Variants in QRFPR observed in about 807,000 individuals in gnomAD.
The protein encoded by QRFPR is pyroglutamylated RFamide peptide receptor, also known as pyroglutamylated RF-amide peptide receptor.
In QRFPR, 37 loss-of-function variants were observed where a neutral mutation model predicts 31.3. That is an observed-to-expected ratio of 1.18 (90% CI 0.91 to 1.56). The LOEUF is 1.56. QRFPR is among the 40% of genes most tolerant of loss of function. QRFPR has a pLI of 0.00. For synonymous variants in QRFPR, 197 were observed against 192.0 expected (o/e 1.03, Z -0.22); for missense variants, 542 against 532.5 (o/e 1.02, Z -0.18).
chr4:121,344,644 C>T (rs1481815953), intron 1 of QRFPR, among the ~76,000 whole-genome samples: 1 of 152,124 alleles, frequency 6.6e-6, no homozygotes, highest in African/African-American at 2.4e-5. Flanking sequence ...TTCACTCTAA[C>T]CATCTTTGCC....
At chr4:121,336,438 T>A (rs1353960293) in intron 3 of QRFPR, among the ~76,000 whole-genome samples, 1 of 152,168 alleles carries the variant, frequency 6.6e-6, no homozygotes, top group Non-Finnish European at 1.5e-5. Context: ...TTTATTACAA[T>A]TTTTTTTACG....
intron 1 of QRFPR, among the ~76,000 whole-genome samples, chr4:121,347,117 T>A (rs980026845): frequency 6.6e-6 from 1 of 152,198 alleles, no homozygotes; most frequent in African/African-American, 2.4e-5. Context: ...CTTTTTTAAA[T>A]GGCAAAATTC....
At position 121,329,478 on chromosome 4, in the gene QRFPR, G is replaced by T. The variant is rs746824955; in HGVS notation, c.1132C>A (p.Leu378Ile). Residue 378 changes from leucine to isoleucine, a missense_variant, in exon 6 of 6, where the codon CTC becomes ATC. By Grantham distance (5) the Leu-to-Ile change is conservative. Coordinates refer to ENST00000394427, the MANE Select transcript of QRFPR (RefSeq NM_198179.3). ...GTTTCCTCCACTGGATTCTCTCTGA[G>T]GGAAAACTTTGCTTTCTTCCGCATC... The part of the protein sequence containing the change: ...TMMRKKAKFS[L>I]RENPVEETKG... 15 of 1,613,956 alleles carry T rather than the reference G, an allele frequency of 9.3e-6. No individual in the cohort carries two copies. Among genetic ancestry groups the T allele is most frequent in the Non-Finnish European group, 1.2e-5 (14 of 1,180,014 alleles).
chr4:121,343,265 T>A (rs576785025), intron 1 of QRFPR, among the ~76,000 whole-genome samples: 1 of 152,170 alleles, frequency 6.6e-6, no homozygotes, highest in Non-Finnish European at 1.5e-5. Flanking sequence ...ATGAACTGGA[T>A]CACTTTAATA....
chr4:121,364,792 T>C (rs1726059325), intron 1 of QRFPR, among the ~76,000 whole-genome samples: 1 of 150,092 alleles, frequency 6.7e-6, no homozygotes, highest in African/African-American at 2.5e-5. Flanking sequence ...CTAGGATGTA[T>C]TCAGCCTACA....
intron 1 of QRFPR, among the ~76,000 whole-genome samples, 183 bp downstream of exon 1, chr4:121,380,125 A>C (rs1238925430): frequency 6.7e-6 from 1 of 149,292 alleles, no homozygotes; most frequent in Non-Finnish European, 1.5e-5. Context: ...AGAGCACCGG[A>C]TTCATTTGAC....
At chr4:121,369,425 G>T in intron 1 of QRFPR, 2 of 794,630 alleles carry the variant, frequency 2.5e-6, no homozygotes, top group Non-Finnish European at 4.2e-6. Context: ...TGGAAAGAAA[G>T]GGCTCTAGAA....
intron 3 of QRFPR, 64 bp from the exon 4 acceptor site, chr4:121,333,120 A>T: frequency 1.9e-6 from 2 of 1,068,258 alleles, no homozygotes; most frequent in South Asian, 3.0e-5. Context: ...GAAATCAGCC[A>T]AGTATTATTG....
At chr4:121,366,736 T>C (rs1726140381) in intron 1 of QRFPR, among the ~76,000 whole-genome samples, 1 of 150,244 alleles carries the variant, frequency 6.7e-6, no homozygotes, top group South Asian at 2.1e-4. Flanking sequence ...AAATTTTTTG[T>C]GATTTGCTGT....
At position 121,350,275 on chromosome 4, in the gene QRFPR, T is replaced by G. The variant is rs559011172; in HGVS notation, c.341-9665A>C. On this transcript the variant is annotated intron_variant, in intron 1 of 5. Transcript: ENST00000394427. ...GTTTATAGAATTTTTGGCACAGTGT[T>G]AGAAGAGTCAGGCACTCACAGTCCA... 2.6e-5 allele frequency among the ~76,000 whole-genome samples: 4 copies of G among 152,328 alleles called. No individual in the cohort carries two copies. In the South Asian group the frequency reaches 6.2e-4, roughly 24 times the overall value.
At chr4:121,333,199 A>T (rs1006162971) in intron 3 of QRFPR, 143 bp from the exon 4 acceptor site, 2 of 604,780 alleles carry the variant, frequency 3.3e-6, no homozygotes, top group Non-Finnish European at 5.8e-6. Context: ...TACATTTTTA[A>T]TTGTTCTTTT....
chr4:121,353,448 T>C (rs1273780839), intron 1 of QRFPR, among the ~76,000 whole-genome samples: 1 of 152,152 alleles, frequency 6.6e-6, no homozygotes, highest in African/African-American at 2.4e-5. Context: ...TGGTTTTCAT[T>C]TGTGGTTCTC....
At chr4:121,336,719 T>C in intron 3 of QRFPR, 88 bp downstream of exon 3, 1 of 1,038,680 alleles carries the variant, frequency 9.6e-7, no homozygotes, top group Non-Finnish European at 1.5e-6. Context: ...ATTTGCTGTA[T>C]TGCTCCTGCA....
In QRFPR at chr4:121,336,802, T is replaced by C; in HGVS notation, c.561+5A>G. ...ATATGATTATACATCTCAACTGGAG[T>C]CTACCTCAAGTTGTTGCACGTGCCA... On this transcript the variant is annotated splice_donor_5th_base_variant and intron_variant, in intron 3 of 5. Coordinates refer to ENST00000394427, the MANE Select transcript of QRFPR (RefSeq NM_198179.3). 1 of 1,603,316 alleles carries C rather than the reference T, an allele frequency of 6.2e-7. No homozygotes were observed. Among genetic ancestry groups the C allele is most frequent in the Non-Finnish European group, 8.5e-7 (1 of 1,170,122 alleles).
intron 1 of QRFPR, among the ~76,000 whole-genome samples, chr4:121,367,096 C>T (rs1579588402): frequency 6.7e-6 from 1 of 150,184 alleles, no homozygotes; most frequent in Non-Finnish European, 1.5e-5. Context: ...AGATAACTGG[C>T]TGCACATGTC....
At chr4:121,352,693 C>G (rs1488013882) in intron 1 of QRFPR, among the ~76,000 whole-genome samples, 2 of 152,052 alleles carry the variant, frequency 1.3e-5, no homozygotes, top group Non-Finnish European at 2.9e-5. Flanking sequence ...GTATTCGTCA[C>G]ATCAAGCATT....
intron 1 of QRFPR, among the ~76,000 whole-genome samples, chr4:121,348,208 A>G (rs377545619): frequency 2.0e-5 from 3 of 152,324 alleles, no homozygotes; most frequent in South Asian, 4.1e-4. Context: ...TTTCTTATCT[A>G]TAAAATGTGG....
chr4:121,350,486 C>A (rs1221024242), intron 1 of QRFPR, among the ~76,000 whole-genome samples: 2 of 152,108 alleles, frequency 1.3e-5, no homozygotes, highest in South Asian at 2.1e-4. Context: ...CCATCAATAT[C>A]TTTTTCAATC....
intron 1 of QRFPR, among the ~76,000 whole-genome samples, chr4:121,373,195 T>C (rs1726284516): frequency 6.6e-6 from 1 of 152,252 alleles, no homozygotes; most frequent in Non-Finnish European, 1.5e-5. Context: ...GCCTCCTAAG[T>C]GCACAGTGAA....
Sources: allele counts gnomAD v4.1 joint callset (sites outside exome capture counted in the v4.1 genomes callset), GRCh38; gene constraint gnomAD v4.1.1; transcripts MANE v1.5; gene names NCBI Gene and HGNC (gene_info 2026-07-23, HGNC 2026-07-21).